The following FREM1 variants were observed in gnomAD, a reference collection of about 807,000 sequenced individuals.
FREM1 encodes the protein FRAS1-related extracellular matrix protein 1.
Under a neutral mutation model 210.1 loss-of-function variants are expected in FREM1, and 220 were observed. The ratio of observed to expected loss-of-function variants is 1.05; its 90% CI spans 0.94 to 1.17. FREM1 has a LOEUF of 1.17. Ranked by LOEUF, FREM1 falls within the 50% of genes most tolerant of loss-of-function variation. The probability of loss-of-function intolerance (pLI) is 0.00; values close to 1 mark genes in which losing one functional copy is unlikely to be tolerated. For missense variants in FREM1, 3,454 were observed against 2,675.5 expected (o/e 1.29, Z -6.42); for synonymous variants, 1,189 against 980.2 (o/e 1.21, Z -3.98).
At chr9:14,848,928 C>G (rs1193281023) in intron 6 of FREM1, among the ~76,000 whole-genome samples, 155 bp from the exon 7 acceptor site, 1 of 152,298 alleles carries the variant, frequency 6.6e-6, no homozygotes, top group Non-Finnish European at 1.5e-5. Flanking sequence ...CCTGATTTGA[C>G]TTTTTCAGGT....
intron 5 of FREM1, among the ~76,000 whole-genome samples, chr9:14,855,233 C>T (rs566541240): frequency 6.6e-6 from 1 of 151,872 alleles, no homozygotes; most frequent in Non-Finnish European, 1.5e-5. Flanking sequence ...AAAGAGCTAG[C>T]CTTGAAATTG....
intron 27 of FREM1, 33 bp downstream of exon 27, chr9:14,769,691 A>T (rs1847171650): frequency 6.2e-7 from 1 of 1,605,960 alleles, no homozygotes; most frequent in African/African-American, 1.3e-5. Context: ...TGGATGTAAC[A>T]TATAGGACTA....
At chr9:14,827,410 G>C (rs1384953540) in intron 10 of FREM1, among the ~76,000 whole-genome samples, 1 of 152,190 alleles carries the variant, frequency 6.6e-6, no homozygotes, top group Non-Finnish European at 1.5e-5. Context: ...TAGGATGCGT[G>C]GTGGAAGAAA....
At chr9:14,813,640 G>A (rs1479401932) in intron 15 of FREM1, among the ~76,000 whole-genome samples, 2 of 150,224 alleles carry the variant, frequency 1.3e-5, no homozygotes, top group African/African-American at 2.4e-5. Context: ...CCGACAAAAT[G>A]TTTTTCTCTC....
At chr9:14,868,545 G>C (rs764682386) in intron 2 of FREM1, among the ~76,000 whole-genome samples, 199 bp downstream of exon 2, 11 of 152,168 alleles carry the variant, frequency 7.2e-5, no homozygotes, top group South Asian at 2.1e-4. Flanking sequence ...TTAAAAATAG[G>C]TTTCACCTCA....
Position 14,836,938 on chromosome 9 carries a change from T to C in FREM1, c.1881+4509A>G, listed in dbSNP as rs1824738362. 6.6e-6 allele frequency among the ~76,000 whole-genome samples: 1 copy of C among 151,996 alleles called. No individual in the cohort carries two copies. Among genetic ancestry groups the C allele is most frequent in the Admixed American group, 6.6e-5 (1 of 15,258 alleles). On this transcript the variant is annotated intron_variant, in intron 10 of 36. Transcript: ENST00000380880. The surrounding 1 kb of genome is among the most constrained non-coding windows in gnomAD (Gnocchi z 4.9). Reference sequence around the variant, plus strand: ...TTATGCAGATAGAGAGGAAAAGGGGTCCTTGGGTAGTTTTCGTCTTTTAAA... The same window carrying C: ...TTATGCAGATAGAGAGGAAAAGGGGCCCTTGGGTAGTTTTCGTCTTTTAAA...
chr9:14,758,792 C>A (rs949638454), intron 28 of FREM1, among the ~76,000 whole-genome samples: 2 of 152,108 alleles, frequency 1.3e-5, no homozygotes, highest in African/African-American at 2.4e-5. Flanking sequence ...AAAAAAAATT[C>A]TTCAATTCTA....
intron 19 of FREM1, among the ~76,000 whole-genome samples, chr9:14,803,099 T>C (rs1237205318): frequency 1.4e-5 from 2 of 146,620 alleles, no homozygotes; most frequent in East Asian, 4.1e-4. Context: ...TCTCTTCTTC[T>C]CTTTCCCTCC....
At chr9:14,904,147 A>T (rs924447017) in intron 1 of FREM1, among the ~76,000 whole-genome samples, 2 of 147,742 alleles carry the variant, frequency 1.4e-5, no homozygotes, top group African/African-American at 5.0e-5. Context: ...ACACTTAGAC[A>T]TTTCTGTGAT....
rs759962826 is a variant in FREM1, at chr9:14,750,181, C to A, written c.5503G>T (p.Ala1835Ser). 6.2e-7 allele frequency: 1 copy of A among 1,613,810 alleles called. No homozygotes were observed. The highest frequency in any genetic ancestry group is 8.5e-7 in the Non-Finnish European group (1 of 1,179,778). Residue 1835 changes from alanine (A) to serine (S), a missense_variant, in exon 30 of 37, where the codon GCA becomes TCA. Ala to Ser is a moderately conservative substitution (Grantham distance 99). Transcript: ENST00000380880. Reference sequence around the variant, plus strand: ...GCTTTTGTCTTTGTGCCAAGAACTGCATTCACAGGGGAGTTCAGAATTACT... The same window carrying A: ...GCTTTTGTCTTTGTGCCAAGAACTGAATTCACAGGGGAGTTCAGAATTACT... ...FEVILNSPVN[A>S]VLGTKTKAAV...
At position 14,836,222 on chromosome 9, in the gene FREM1, AT is replaced by A. The variant is rs1382009988; in HGVS notation, c.1881+5224del. ...TGGGAATTGCTGTCCTCACTCTACT[AT>A]TTGCAATAGGGTTATACACGGTAGC... On this transcript the variant is annotated intron_variant, in intron 10 of 36. Transcript: ENST00000380880. The surrounding 1 kb of genome is among the most constrained non-coding windows in gnomAD (Gnocchi z 4.9). Among the ~76,000 whole-genome samples the A allele has an allele frequency of 3.3e-5, 5 of 152,326 alleles. No homozygotes were observed. The East Asian group carries it at 7.7e-4, about 24-fold the overall frequency.
intron 13 of FREM1, among the ~76,000 whole-genome samples, chr9:14,822,160 T>C (rs1373290442): frequency 6.6e-6 from 1 of 152,182 alleles, no homozygotes. Flanking sequence ...TCTGCCATGG[T>C]TGTGAGGCTT....
At chr9:14,757,983 A>C (rs891619678) in intron 28 of FREM1, among the ~76,000 whole-genome samples, 3 of 152,214 alleles carry the variant, frequency 2.0e-5, no homozygotes. Flanking sequence ...TTGCATGTCC[A>C]ATTACCTAGT....
intron 21 of FREM1, among the ~76,000 whole-genome samples, chr9:14,796,791 C>T (rs1005043320): frequency 6.6e-6 from 1 of 152,172 alleles, no homozygotes; most frequent in African/African-American, 2.4e-5. Context: ...TGTAAGTTTC[C>T]TGAGTCCTCC....
At chr9:14,825,902 C>T (rs1181743094) in intron 10 of FREM1, among the ~76,000 whole-genome samples, 1 of 152,060 alleles carries the variant, frequency 6.6e-6, no homozygotes, top group Non-Finnish European at 1.5e-5. Context: ...GCAACTGCTG[C>T]CTGTTAGCCC....
chr9:14,852,558 T>C (rs1827973460), intron 5 of FREM1, among the ~76,000 whole-genome samples: 1 of 152,128 alleles, frequency 6.6e-6, no homozygotes, highest in Non-Finnish European at 1.5e-5. Flanking sequence ...TAGACAGGCA[T>C]GGTGGTGCAC....
intron 23 of FREM1, among the ~76,000 whole-genome samples, chr9:14,786,861 G>A (rs542906747): frequency 6.6e-6 from 1 of 152,324 alleles, no homozygotes; most frequent in South Asian, 2.1e-4. Flanking sequence ...CATCAAGGAA[G>A]TAAGAAGAAT....
Position 14,823,342 on chromosome 9 carries a change from G to C in FREM1, c.2170-15C>G. On this transcript the variant is annotated splice_polypyrimidine_tract_variant and intron_variant, in intron 12 of 36. Coordinates refer to ENST00000380880, the MANE Select transcript of FREM1 (RefSeq NM_001379081.2). ...TTCACAGCATGCTGCAAAGTAAGTT[G>C]AGATGGATATGTGGGTGCTGACTTG... 6.2e-7 allele frequency: 1 copy of C among 1,608,980 alleles called. No homozygotes were observed. The highest frequency in any genetic ancestry group is 1.7e-4 in the Middle Eastern group (1 of 6,044).
rs6150928 is a variant in FREM1 at position 14,759,518 on chromosome 9, C to CAATAATAAT, written c.5334+245_5334+253dup. ...AGAGCGAGACTTTGTCTCAAAATAA[C>CAATAATAAT]AATAATAATAATAATATCTCTTGTG... On this transcript the variant is annotated intron_variant, in intron 28 of 36. Transcript: ENST00000380880. 4.1e-4 allele frequency among the ~76,000 whole-genome samples: 58 copies of CAATAATAAT among 143,044 alleles called. No homozygotes were observed. The Middle Eastern group carries it at 0.011, about 27-fold the overall frequency. The allele number at this position is 143,044 out of a possible 152,430, so 93.8% of individuals were successfully genotyped here.
Sources: allele counts gnomAD v4.1 joint callset (sites outside exome capture counted in the v4.1 genomes callset), GRCh38; gene constraint gnomAD v4.1.1; non-coding constraint Gnocchi (gnomAD v3.1); transcripts MANE v1.5; gene names NCBI Gene and HGNC (gene_info 2026-07-23, HGNC 2026-07-21).